POP4: variants seen among roughly 807,000 people sequenced by gnomAD.
POP4 encodes POP4 ribonuclease P/MRP subunit.
A neutral mutation model predicts 29.9 loss-of-function variants in POP4; 31 were observed. The ratio of observed to expected loss-of-function variants is 1.04; its 90% CI spans 0.78 to 1.40. POP4 has a LOEUF of 1.40. Ranked by LOEUF, POP4 falls within the 40% of genes most tolerant of loss-of-function variation. The pLI is 0.00. For missense variants in POP4, 286 were observed against 282.7 expected, an observed-to-expected ratio of 1.01 and a Z score of -0.08; for synonymous variants, 110 against 108.2, an observed-to-expected ratio of 1.02 and a Z score of -0.10.
intron 1 of POP4, 43 bp from the exon 2 acceptor site, chr19:29,608,614 A>C: frequency 1.6e-4 from 253 of 1,586,564 alleles, no homozygotes; most frequent in Non-Finnish European, 2.0e-4. Context: ...TCTTACAGCC[A>C]TACCCAACAA....
rs1971142557 is a variant in POP4, at chr19:29,617,203, A to T, written c.*1823A>T. 1 of 152,252 alleles carries T rather than the reference A, an allele frequency of 6.6e-6. No individual in the cohort carries two copies. Among genetic ancestry groups the T allele is most frequent in the Non-Finnish European group, 1.5e-5 (1 of 68,052 alleles). 9.4% of individuals were successfully genotyped at this position (152,252 alleles called of 1,614,324 possible). On this transcript the variant is annotated 3_prime_UTR_variant, in exon 7 of 7. Transcript: ENST00000585603. The stretch of plus-strand genomic sequence containing the variant: ...CCCCTCTGCAATGTAAAAGGCGTCC[A>T]CTGTTGTGTAAATACACAGTTGCTT...
intron 3 of POP4, 165 bp from the exon 4 acceptor site, chr19:29,611,697 C>A: frequency 4.8e-6 from 3 of 621,848 alleles, no homozygotes; most frequent in Non-Finnish European, 8.5e-6. Flanking sequence ...GGTGTAGGTT[C>A]TTGGTCTCGG....
Position 29,610,457 on chromosome 19 carries a change from C to T in POP4, c.109C>T (p.Arg37Cys), listed in dbSNP as rs774977285. ...AEAFVRAFLK[R>C]STPRMSPQAR... is the part of the protein sequence containing the mutation. ...GGCCTTCGTGAGGGCCTTCCTGAAG[C>T]GCAGCACGCCCCGCATGAGCCCGCA... Residue 37 changes from arginine (R) to cysteine (C), a missense_variant, in exon 3 of 7, where the codon CGC (arginine) becomes TGC (cysteine). By Grantham distance (180) the Arg-to-Cys change is radical. Transcript: ENST00000585603. 10 of 1,594,894 alleles carry T rather than the reference C, an allele frequency of 6.3e-6. No individual in the cohort carries two copies. The highest frequency in any genetic ancestry group is 5.6e-5 in the South Asian group (5 of 88,810).
rs1424285052 is a variant in POP4, at chr19:29,616,112, C to G, written c.*732C>G. 6.6e-6 allele frequency: 1 copy of G among 152,242 alleles called. No individual in the cohort carries two copies. The highest frequency in any genetic ancestry group is 1.5e-5 in the Non-Finnish European group (1 of 68,064). The allele number at this position is 152,242 out of a possible 1,614,324, so 9.4% of individuals were successfully genotyped here. On this transcript the variant is annotated 3_prime_UTR_variant, in exon 7 of 7. Transcript: ENST00000585603. The stretch of plus-strand genomic sequence containing the variant: ...AGCTGCCAGGCTGAGCCATGGAGGA[C>G]TGAAAGGAGGTCGCCCGGCATCACC...
In POP4 at chr19:29,610,649, AC is replaced by A. The variant is rs1425868148; in HGVS notation, c.284+18del. Reference sequence around the variant, plus strand: ...GCAGCAGAGGTAACCCGAGCTCCCCACGTCTTTCTGCCCGCGGTGCTTACCC... The same window carrying A: ...GCAGCAGAGGTAACCCGAGCTCCCCAGTCTTTCTGCCCGCGGTGCTTACCC... On this transcript the variant is annotated intron_variant, in intron 3 of 6. Transcript: ENST00000585603. 7.5e-6 allele frequency: 12 copies of A among 1,610,112 alleles called. No individual in the cohort carries two copies. The East Asian group carries it at 2.0e-4, about 27-fold the overall frequency.
In POP4 at chr19:29,606,283, A is replaced by T. The variant is rs769910692; in HGVS notation, c.-36A>T. ...CCGAGAGTCTGCGACAGCAGCTGCCAGTGCGTCATCAGAGAGCGCCGGAAG... is the reference window on the plus strand; with the variant it reads ...CCGAGAGTCTGCGACAGCAGCTGCCTGTGCGTCATCAGAGAGCGCCGGAAG... On this transcript the variant is annotated 5_prime_UTR_variant, in exon 1 of 7. Transcript: ENST00000585603. 6.3e-7 allele frequency: 1 copy of T among 1,593,920 alleles called. No individual in the cohort carries two copies. The highest frequency in any genetic ancestry group is 8.5e-7 in the Non-Finnish European group (1 of 1,171,618).
At chr19:29,611,534 G>GTC in intron 3 of POP4, 2 of 259,512 alleles carry the variant, frequency 7.7e-6, no homozygotes, top group South Asian at 4.4e-5. Context: ...CTTTACTGGG[G>GTC]GCTTACTAGG....
intron 2 of POP4, chr19:29,610,167 G>A (rs975488784): frequency 2.1e-5 from 11 of 525,934 alleles, no homozygotes; most frequent in African/African-American, 7.7e-5. Flanking sequence ...AGCAGGAAGT[G>A]AGCGTTTGAC....
chr19:29,611,784 C>A, intron 3 of POP4, 78 bp from the exon 4 acceptor site: 2 of 1,239,426 alleles, frequency 1.6e-6, no homozygotes, highest in South Asian at 1.2e-5. Flanking sequence ...GGCATCAAGT[C>A]AAGCTCTGTG....
chr19:29,610,355 C>A, intron 2 of POP4, 54 bp from the exon 3 acceptor site: 1 of 1,463,544 alleles, frequency 6.8e-7, no homozygotes, highest in Non-Finnish European at 9.1e-7. Context: ...TGCCTGGGAT[C>A]CTGGGCTGCC....
chr19:29,612,462 C>T (rs34095853), intron 5 of POP4, among the ~76,000 whole-genome samples: 12,691 of 152,214 alleles, frequency 0.083, 563 homozygotes, highest in Middle Eastern at 0.13. Flanking sequence ...TGCGAGCACT[C>T]ACCCACGGCC....
rs369413330 is a variant in POP4 at position 29,606,337 on chromosome 19, C to G, written c.7+12C>G. 3.7e-6 allele frequency: 6 copies of G among 1,605,350 alleles called. No homozygotes were observed. In the South Asian group the frequency reaches 5.6e-5, roughly 15 times the overall value. Reference sequence around the variant, plus strand: ...TCCGAGAATGAAGAGTAAGCGGGGCCGCGAAGTTGGAGAGGGTTGGGGACG... The same window carrying G: ...TCCGAGAATGAAGAGTAAGCGGGGCGGCGAAGTTGGAGAGGGTTGGGGACG... On this transcript the variant is annotated intron_variant, in intron 1 of 6. Coordinates refer to ENST00000585603, the MANE Select transcript of POP4 (RefSeq NM_006627.3).
At chr19:29,606,402 C>T (rs1484339966) in intron 1 of POP4, 77 bp downstream of exon 1, 1 of 1,485,884 alleles carries the variant, frequency 6.7e-7, no homozygotes, top group Non-Finnish European at 9.0e-7. Flanking sequence ...TGAAATGGGT[C>T]CGGGCTACCT....
At chr19:29,613,682 A>T in intron 5 of POP4, 189 bp from the exon 6 acceptor site, 1 of 854,446 alleles carries the variant, frequency 1.2e-6, no homozygotes, top group Non-Finnish European at 1.7e-6. Flanking sequence ...GCAAAGCCCC[A>T]GGGGAAGCCT....
chr19:29,609,077 A>C (rs933961975), intron 2 of POP4: 2 of 177,420 alleles, frequency 1.1e-5, no homozygotes, highest in African/African-American at 4.7e-5. Flanking sequence ...AAATTTACAG[A>C]TTATATCTGA....
intron 5 of POP4, 146 bp from the exon 6 acceptor site, chr19:29,613,725 T>C: frequency 8.0e-7 from 1 of 1,249,410 alleles, no homozygotes; most frequent in East Asian, 2.6e-5. Context: ...GGCCCAGCTG[T>C]TGAGCCCCCA....
rs1970994260 is a variant in POP4, at chr19:29,606,309, C to T, written c.-10C>T. 3 of 1,604,406 alleles carry T rather than the reference C, an allele frequency of 1.9e-6. No individual in the cohort carries two copies. The highest frequency in any genetic ancestry group is 1.7e-5 in the Admixed American group (1 of 58,336). ...GTGCGTCATCAGAGAGCGCCGGAAG[C>T]GGTCCGAGAATGAAGAGTAAGCGGG... On this transcript the variant is annotated 5_prime_UTR_variant, in exon 1 of 7. Transcript: ENST00000585603.
intron 3 of POP4, 123 bp downstream of exon 3, chr19:29,610,755 G>T: frequency 3.1e-6 from 3 of 961,916 alleles, no homozygotes; most frequent in Non-Finnish European, 4.6e-6. Flanking sequence ...TCTGTCGTCT[G>T]CCACAAGAGG....
intron 2 of POP4, 38 bp from the exon 3 acceptor site, chr19:29,610,371 C>T (rs746544560): frequency 3.1e-5 from 47 of 1,514,004 alleles, no homozygotes; most frequent in African/African-American, 1.8e-4. Flanking sequence ...CTGCCCAGAC[C>T]GGAGCAGTGA....
Sources: gnomAD v4.1 joint callset for allele counts (sites outside exome capture counted in the v4.1 genomes callset) on GRCh38, gnomAD v4.1.1 for gene constraint, MANE v1.5 for transcripts, NCBI Gene and HGNC (gene_info 2026-07-23, HGNC 2026-07-21) for gene names.